The following MOXD1 variants were observed in gnomAD, a reference collection of about 807,000 sequenced individuals.
MOXD1 encodes the protein monooxygenase DBH like 1, also known as DBH-like monooxygenase protein 1.
A neutral mutation model predicts 66.6 loss-of-function variants in MOXD1; 62 were observed. The ratio of observed to expected loss-of-function variants is 0.93; its 90% CI spans 0.76 to 1.15. MOXD1 has a LOEUF of 1.15. Ranked by LOEUF, MOXD1 falls within the 50% of genes most tolerant of loss-of-function variation. The pLI, the probability that MOXD1 is intolerant of heterozygous loss-of-function variation, is 0.00. For synonymous variants in MOXD1, 303 were observed against 281.9 expected, an observed-to-expected ratio of 1.07 and a Z score of -0.75; for missense variants, 847 against 754.6, an observed-to-expected ratio of 1.12 and a Z score of -1.44.
At chr6:132,340,087 C>G in intron 4 of MOXD1, among the ~76,000 whole-genome samples, 1 of 152,000 alleles carries the variant, frequency 6.6e-6, no homozygotes, top group East Asian at 1.9e-4. Context: ...CCAGGCTGGT[C>G]TCAAACTGGC....
intron 4 of MOXD1, among the ~76,000 whole-genome samples, chr6:132,329,071 C>T (rs1255322795): frequency 1.3e-5 from 2 of 152,038 alleles, no homozygotes; most frequent in Admixed American, 6.6e-5. Flanking sequence ...CCCATTAACT[C>T]GTCATTTACA....
chr6:132,330,158 G>A (rs1195212317), intron 4 of MOXD1, among the ~76,000 whole-genome samples: 1 of 152,188 alleles, frequency 6.6e-6, no homozygotes, highest in Non-Finnish European at 1.5e-5. Context: ...GCATCAGTTA[G>A]AGCAGGGGTC....
chr6:132,360,967 C>T (rs991294673), intron 4 of MOXD1, among the ~76,000 whole-genome samples: 1 of 152,156 alleles, frequency 6.6e-6, no homozygotes, highest in Non-Finnish European at 1.5e-5. Context: ...AAGCTAAAGA[C>T]CAAGAGGCTA....
At position 132,367,476 on chromosome 6, in the gene MOXD1, G is replaced by C. The variant is rs77869788; in HGVS notation, c.663+5132C>G. Reference sequence around the variant, plus strand: ...TTCCAGAGGAGGAAACTGAGGCACAGAGAGGTAAATTGATTTGCCTAAGGT... The same window carrying C: ...TTCCAGAGGAGGAAACTGAGGCACACAGAGGTAAATTGATTTGCCTAAGGT... On this transcript the variant is annotated intron_variant, in intron 4 of 11. Coordinates refer to ENST00000367963, the MANE Select transcript of MOXD1 (RefSeq NM_015529.4). Among the ~76,000 whole-genome samples, 590 of 152,180 alleles carry C rather than the reference G, an allele frequency of 3.9e-3. 4 individuals are homozygous for C. The highest frequency in any genetic ancestry group is 0.034 in the Middle Eastern group (10 of 294).
chr6:132,297,782 C>G lies in MOXD1; in HGVS notation c.1677+5G>C. 1.3e-6 allele frequency: 2 copies of G among 1,588,792 alleles called. No individual in the cohort carries two copies. The highest frequency in any genetic ancestry group is 1.7e-6 in the Non-Finnish European group (2 of 1,171,852). ...CTGGGTTGTCAGAGGTTAAAAAGAG[C>G]TTACCGACCACTCAGCATTGTCTGT... On this transcript the variant is annotated splice_donor_5th_base_variant and intron_variant, in intron 11 of 11. Transcript: ENST00000367963.
intron 10 of MOXD1, among the ~76,000 whole-genome samples, chr6:132,303,898 T>G (rs1307607226): frequency 8.5e-6 from 1 of 117,446 alleles, no homozygotes; most frequent in Non-Finnish European, 1.7e-5. Context: ...CATAAAACCT[T>G]AGGACAATTC....
chr6:132,374,546 G>T (rs1776336448), intron 2 of MOXD1, 85 bp downstream of exon 2: 1 of 1,137,896 alleles, frequency 8.8e-7, no homozygotes, highest in South Asian at 2.1e-5. Context: ...AAGACTATAT[G>T]ACTTGTTTCT....
At chr6:132,336,620 A>G (rs1323385292) in intron 4 of MOXD1, among the ~76,000 whole-genome samples, 1 of 152,172 alleles carries the variant, frequency 6.6e-6, no homozygotes, top group Non-Finnish European at 1.5e-5. Context: ...TAAGGGTGCA[A>G]TGCAAATCCT....
At chr6:132,397,749 GAACA>G in intron 1 of MOXD1, among the ~76,000 whole-genome samples, 1 of 151,966 alleles carries the variant, frequency 6.6e-6, no homozygotes, top group East Asian at 1.9e-4. Flanking sequence ...CAAAATAAAA[GAACA>G]AACAGAAGAT....
chr6:132,354,700 C>T (rs897752848), intron 4 of MOXD1, among the ~76,000 whole-genome samples: 4 of 152,112 alleles, frequency 2.6e-5, no homozygotes, highest in African/African-American at 4.8e-5. Flanking sequence ...TGGTGGTGGG[C>T]GGGGCCCTAG....
At chr6:132,345,113 G>A (rs1196810707) in intron 4 of MOXD1, among the ~76,000 whole-genome samples, 1 of 152,138 alleles carries the variant, frequency 6.6e-6, no homozygotes, top group African/African-American at 2.4e-5. Context: ...AGAATTTTCT[G>A]GCTTGCAAAG....
intron 1 of MOXD1, 60 bp downstream of exon 1, chr6:132,401,103 C>T (rs1777014776): frequency 2.1e-6 from 3 of 1,417,640 alleles, no homozygotes; most frequent in Non-Finnish European, 2.7e-6. Flanking sequence ...CCTGCGCCCT[C>T]TCTGGGGTCC....
At chr6:132,352,757 G>A (rs1400099744) in intron 4 of MOXD1, among the ~76,000 whole-genome samples, 2 of 152,060 alleles carry the variant, frequency 1.3e-5, no homozygotes, top group African/African-American at 4.8e-5. Flanking sequence ...TTATTGTGTT[G>A]CTGTCTATCT....
chr6:132,375,942 G>T (rs907091352), intron 1 of MOXD1, among the ~76,000 whole-genome samples: 2 of 152,124 alleles, frequency 1.3e-5, no homozygotes, highest in African/African-American at 4.8e-5. Flanking sequence ...TTTGGGCGGG[G>T]TCATAACTGC....
intron 4 of MOXD1, among the ~76,000 whole-genome samples, chr6:132,336,403 TG>T (rs1027832614): frequency 1.3e-5 from 2 of 152,168 alleles, no homozygotes; most frequent in African/African-American, 4.8e-5. Flanking sequence ...ACCATGTAGA[TG>T]GATGAGCATA....
intron 10 of MOXD1, among the ~76,000 whole-genome samples, chr6:132,314,385 G>A (rs1324999622): frequency 2.0e-5 from 3 of 152,282 alleles, no homozygotes; most frequent in Non-Finnish European, 4.4e-5. Flanking sequence ...TTCCAGTCTA[G>A]CCCTCCTAGA....
Position 132,328,152 on chromosome 6 carries a change from A to C in MOXD1, c.844-37T>G, listed in dbSNP as rs1458792239. The C allele has an allele frequency of 1.9e-6, 3 of 1,555,774 alleles. No homozygotes were observed. The South Asian group carries it at 3.3e-5, about 17-fold the overall frequency. ...AAATGCCATGAGACAATGTCCTATG[A>C]AAGTCCCTGAGAGCTCTATTCCACT... On this transcript the variant is annotated intron_variant, in intron 5 of 11. Coordinates refer to ENST00000367963, the MANE Select transcript of MOXD1 (RefSeq NM_015529.4).
At chr6:132,351,321 G>A (rs1343205280) in intron 4 of MOXD1, among the ~76,000 whole-genome samples, 1 of 151,978 alleles carries the variant, frequency 6.6e-6, no homozygotes. Context: ...TTCCTTGTAT[G>A]CCGACTTTGC....
chr6:132,335,766 A>G (rs1371284504), intron 4 of MOXD1, among the ~76,000 whole-genome samples: 2 of 152,212 alleles, frequency 1.3e-5, no homozygotes, highest in Non-Finnish European at 2.9e-5. Flanking sequence ...ACCACAAACT[A>G]AAAATTTGGA....
Sources: allele counts gnomAD v4.1 joint callset (sites outside exome capture counted in the v4.1 genomes callset), GRCh38; gene constraint gnomAD v4.1.1; transcripts MANE v1.5; gene names NCBI Gene and HGNC (gene_info 2026-07-23, HGNC 2026-07-21).